ZDHHC5: variants seen among roughly 807,000 people sequenced by gnomAD.
The protein encoded by ZDHHC5 is zDHHC palmitoyltransferase 5, also known as palmitoyltransferase ZDHHC5.
A neutral mutation model predicts 70.0 loss-of-function variants in ZDHHC5; 22 were observed. The ratio of observed to expected loss-of-function variants is 0.31; its 90% confidence interval spans 0.22 to 0.45. The LOEUF (loss-of-function observed/expected upper bound fraction) is 0.45. Among genes scored for constraint, ZDHHC5 ranks in the 20% least tolerant of loss-of-function variants. The pLI is 1.00. For synonymous variants in ZDHHC5, 313 were observed against 347.8 expected, an observed-to-expected ratio of 0.90 and a Z score of 1.11; for missense variants, 746 against 926.9, an observed-to-expected ratio of 0.80 and a Z score of 2.53.
Position 57,696,012 on chromosome 11 carries a change from G to T in ZDHHC5, c.978G>T (p.Leu326Phe). The T allele has an allele frequency of 1.9e-6, 3 of 1,614,016 alleles. No individual in the cohort carries two copies. Among genetic ancestry groups the T allele is most frequent in the Non-Finnish European group, 2.5e-6 (3 of 1,179,994 alleles). ...CAGACCTGAGCCGTTACACAGGGTT[G>T]CGAACACACCTCGGCTTGGCTACTA... ...PKPDLSRYTG[L>F]RTHLGLATNE... The change falls in exon 9 of 12, where the codon TTG (leucine) becomes TTT (phenylalanine). Residue 326 changes from leucine to phenylalanine, a missense_variant. By Grantham distance (22) the Leu-to-Phe change is conservative. This residue lies in a region of ZDHHC5 where 179 missense variants were observed against 178.4 expected (regional missense o/e 1.00). Coordinates refer to ENST00000287169, the MANE Select transcript of ZDHHC5 (RefSeq NM_015457.3).
intron 10 of ZDHHC5, among the ~76,000 whole-genome samples, chr11:57,697,828 CAAAAAAA>C (rs1010913426): frequency 1.0e-4 from 3 of 28,758 alleles, no homozygotes; most frequent in African/African-American, 3.9e-4. Flanking sequence ...GACTACACCT[CAAAAAAA>C]AAAAAAAAAA....
intron 2 of ZDHHC5, among the ~76,000 whole-genome samples, chr11:57,677,576 C>T (rs969828160): frequency 1.3e-5 from 2 of 152,026 alleles, no homozygotes; most frequent in African/African-American, 4.8e-5. Context: ...CGTGAGCCAC[C>T]GCACCTGGCC....
intron 2 of ZDHHC5, among the ~76,000 whole-genome samples, chr11:57,679,989 A>C (rs1946127898): frequency 6.6e-6 from 1 of 152,192 alleles, no homozygotes; most frequent in Non-Finnish European, 1.5e-5. Context: ...CCAGGATTAC[A>C]CACTTTATCT....
chr11:57,691,844 C>T (rs1474484405), intron 6 of ZDHHC5, among the ~76,000 whole-genome samples: 1 of 151,438 alleles, frequency 6.6e-6, no homozygotes, highest in Non-Finnish European at 1.5e-5. Flanking sequence ...CAGACATTTA[C>T]TATATGCCCA....
intron 6 of ZDHHC5, among the ~76,000 whole-genome samples, chr11:57,691,126 C>G (rs888686944): frequency 6.6e-6 from 1 of 152,014 alleles, no homozygotes; most frequent in Non-Finnish European, 1.5e-5. Context: ...GGCTGGCATC[C>G]AGTGGCGTGA....
At chr11:57,680,083 C>G (rs72928067) in intron 2 of ZDHHC5, among the ~76,000 whole-genome samples, 1 of 152,080 alleles carries the variant, frequency 6.6e-6, no homozygotes, top group East Asian at 1.9e-4. Flanking sequence ...AACTGAGTTG[C>G]TTTGCCTAAA....
At chr11:57,695,168 A>G (rs1242395561) in intron 8 of ZDHHC5, among the ~76,000 whole-genome samples, 3 of 152,002 alleles carry the variant, frequency 2.0e-5, no homozygotes, top group Non-Finnish European at 4.4e-5. Context: ...AGGCTGAGGT[A>G]GGAGAATTGC....
chr11:57,670,396 G>A (rs756212004), intron 1 of ZDHHC5, among the ~76,000 whole-genome samples: 48 of 151,850 alleles, frequency 3.2e-4, no homozygotes, highest in Non-Finnish European at 6.8e-4. Context: ...GCTTGAATCC[G>A]GGACTCGGAG....
At chr11:57,684,006 C>T (rs1244625715) in intron 3 of ZDHHC5, among the ~76,000 whole-genome samples, 1 of 144,834 alleles carries the variant, frequency 6.9e-6, no homozygotes, top group Non-Finnish European at 1.5e-5. Flanking sequence ...GCGTCTCACT[C>T]TGTTGCCCAG....
At chr11:57,689,073 G>C (rs914155470) in intron 4 of ZDHHC5, among the ~76,000 whole-genome samples, 1 of 152,044 alleles carries the variant, frequency 6.6e-6, no homozygotes, top group African/African-American at 2.4e-5. Context: ...TATAGTTCTA[G>C]CCTTCTATCT....
rs1203646149 is a variant in ZDHHC5, at chr11:57,693,918, G to A, written c.885+3G>A. On this transcript the variant is annotated splice_donor_region_variant and intron_variant, in intron 8 of 11. Coordinates refer to ENST00000287169, the MANE Select transcript of ZDHHC5 (RefSeq NM_015457.3). ...AGGGAGAGCTGAGGAGAACAAAGGT[G>A]AGGAATTTAGAGAAGTCAAGCTAGA... is the stretch of plus-strand genomic sequence containing the variant. 2 of 1,607,848 alleles carry A rather than the reference G, an allele frequency of 1.2e-6. No individual in the cohort carries two copies.
chr11:57,690,202 A>G lies in ZDHHC5; in HGVS notation c.556A>G (p.Thr186Ala), dbSNP rs1306179119. Residue 186 changes from threonine (T) to alanine (A), a missense_variant and splice_region_variant, in exon 5 of 12, where the codon ACA becomes GCA. Thr to Ala is a moderately conservative substitution (Grantham distance 58). Around this residue, in one of 6 missense-constraint regions of ZDHHC5, gnomAD observed 114 missense variants for 179.3 expected, o/e 0.64. Coordinates refer to ENST00000287169, the MANE Select transcript of ZDHHC5 (RefSeq NM_015457.3). ...ACTCTCAGGGGTCCGCACGGCTGTCACGTATCCTTCAAGGCCTTTTAGATT... is the reference window on the plus strand; with the variant it reads ...ACTCTCAGGGGTCCGCACGGCTGTCGCGTATCCTTCAAGGCCTTTTAGATT... ...EELSGVRTAV[T>A]MAVMCVAGLF... 2 of 1,613,886 alleles carry G rather than the reference A, an allele frequency of 1.2e-6. No individual in the cohort carries two copies. The highest frequency in any genetic ancestry group is 2.7e-5 in the African/African-American group (2 of 74,860).
In ZDHHC5 at chr11:57,690,443, G is replaced by A. The variant is rs772967370; in HGVS notation, c.660+6G>A. The A allele has an allele frequency of 1.1e-5, 17 of 1,614,022 alleles. No individual in the cohort carries two copies. Among genetic ancestry groups the A allele is most frequent in the Non-Finnish European group, 1.4e-5 (17 of 1,180,044 alleles). On this transcript the variant is annotated splice_donor_region_variant and intron_variant, in intron 6 of 11. Coordinates refer to ENST00000287169, the MANE Select transcript of ZDHHC5 (RefSeq NM_015457.3). ...GACGCACAACCAATGAACAGGTATGGAGAAAAGTGACGAGAGACCCCTGAA... is the reference window on the plus strand; with the variant it reads ...GACGCACAACCAATGAACAGGTATGAAGAAAAGTGACGAGAGACCCCTGAA...
At chr11:57,683,181 T>C (rs1177690110) in intron 3 of ZDHHC5, among the ~76,000 whole-genome samples, 4 of 152,076 alleles carry the variant, frequency 2.6e-5, no homozygotes, top group Non-Finnish European at 5.9e-5. Context: ...GGATGGGAGG[T>C]AAACCCAGAG....
At chr11:57,673,679 T>C (rs1396417370) in intron 2 of ZDHHC5, among the ~76,000 whole-genome samples, 32 of 152,300 alleles carry the variant, frequency 2.1e-4, no homozygotes, top group Non-Finnish European at 1.5e-4. Context: ...CAAGCGATTC[T>C]CCTGCCTCAG....
chr11:57,687,169 T>G (rs922182033), intron 3 of ZDHHC5, among the ~76,000 whole-genome samples: 1 of 152,118 alleles, frequency 6.6e-6, no homozygotes, highest in South Asian at 2.1e-4. Flanking sequence ...GATGTAAATA[T>G]GAAAAAATGC....
intron 2 of ZDHHC5, 65 bp downstream of exon 2, chr11:57,673,259 G>A (rs1414285106): frequency 9.8e-6 from 15 of 1,530,258 alleles, no homozygotes; most frequent in Non-Finnish European, 1.3e-5. Flanking sequence ...AGGAGATAAC[G>A]CTTTCTCTTG....
intron 2 of ZDHHC5, among the ~76,000 whole-genome samples, chr11:57,678,590 ATT>A: frequency 6.6e-6 from 1 of 150,610 alleles, no homozygotes; most frequent in African/African-American, 2.4e-5. Context: ...AAAAAAAAAA[ATT>A]CTAGCGGCTG....
rs180891496 is a variant in ZDHHC5, at chr11:57,695,865, A to C, written c.886-55A>C. 1.7e-4 allele frequency: 268 copies of C among 1,584,914 alleles called. 1 individual carries two copies. The East Asian group carries it at 2.7e-3, about 16-fold the overall frequency. Reference sequence around the variant, plus strand: ...CCTCTTATATCAATTTAATACTTTGAGTTGCCATAATGCTCAATTTCTAAA... The same window carrying C: ...CCTCTTATATCAATTTAATACTTTGCGTTGCCATAATGCTCAATTTCTAAA... On this transcript the variant is annotated intron_variant, in intron 8 of 11. Transcript: ENST00000287169.
Sources: gnomAD v4.1 joint callset for allele counts (sites outside exome capture counted in the v4.1 genomes callset) on GRCh38, gnomAD v4.1.1 for gene constraint, gnomAD v4.1.1 regional missense constraint, MANE v1.5 for transcripts, NCBI Gene and HGNC (gene_info 2026-07-23, HGNC 2026-07-21) for gene names.